Variants in TTC13 observed in about 807,000 individuals in gnomAD.
TTC13 encodes the protein tetratricopeptide repeat protein 13.
Under a neutral mutation model 120.0 loss-of-function variants are expected in TTC13, and 62 were observed. The ratio of observed to expected loss-of-function variants is 0.52; its 90% CI spans 0.42 to 0.64. The LOEUF is 0.64. Ranked by LOEUF, TTC13 falls within the 30% of genes least tolerant of loss-of-function variation. The pLI is 0.00. For synonymous variants in TTC13, 384 were observed against 393.5 expected, an observed-to-expected ratio of 0.98 and a Z score of 0.28; for missense variants, 824 against 1,050.2, an observed-to-expected ratio of 0.78 and a Z score of 2.98.
rs113164745 is a variant in TTC13, at chr1:230,918,036, A to G, written c.1984-1734T>C. Among the ~76,000 whole-genome samples the G allele has an allele frequency of 3.7e-4, 56 of 152,346 alleles. 1 individual carries two copies. Among genetic ancestry groups the G allele is most frequent in the African/African-American group, 1.3e-3 (55 of 41,576 alleles). ...CCAAGATTACTATATGTCCCACAGTACAGGGGATTGTCACACATAATGTAT... is the reference window on the plus strand; with the variant it reads ...CCAAGATTACTATATGTCCCACAGTGCAGGGGATTGTCACACATAATGTAT... On this transcript the variant is annotated intron_variant, in intron 17 of 22. Coordinates refer to ENST00000366661, the MANE Select transcript of TTC13 (RefSeq NM_024525.5).
chr1:230,950,761 A>T (rs1675495721), intron 4 of TTC13, among the ~76,000 whole-genome samples: 1 of 152,256 alleles, frequency 6.6e-6, no homozygotes, highest in African/African-American at 2.4e-5. Context: ...TCAAAATCAG[A>T]TGAGCTCAAG....
chr1:230,941,218 A>G (rs1360642089), intron 6 of TTC13, among the ~76,000 whole-genome samples: 1 of 152,230 alleles, frequency 6.6e-6, no homozygotes, highest in Non-Finnish European at 1.5e-5. Flanking sequence ...AGACATAAGA[A>G]AATCCAAAAT....
chr1:230,934,571 T>C (rs1415089862), intron 8 of TTC13, among the ~76,000 whole-genome samples: 1 of 152,220 alleles, frequency 6.6e-6, no homozygotes, highest in Admixed American at 6.5e-5. Flanking sequence ...TCTCCATCTA[T>C]GAAAACTATT....
intron 4 of TTC13, among the ~76,000 whole-genome samples, chr1:230,945,884 CT>C (rs766252220): frequency 3.9e-5 from 6 of 152,160 alleles, no homozygotes; most frequent in African/African-American, 1.4e-4. Flanking sequence ...ATGAAATTAC[CT>C]GAAAAGGAAA....
In TTC13 at chr1:230,964,566, C is replaced by T. The variant is rs182870787; in HGVS notation, c.272-3263G>A. ...TTTAAGTCATCTAAACCTATCCTTG[C>T]AAAAGATATTGAAAAAAATTCCTAA... On this transcript the variant is annotated intron_variant, in intron 1 of 22. Coordinates refer to ENST00000366661, the MANE Select transcript of TTC13 (RefSeq NM_024525.5). Among the ~76,000 whole-genome samples the T allele has an allele frequency of 2.3e-3, 348 of 152,242 alleles. 10 individuals are homozygous for T. The highest frequency in any genetic ancestry group is 0.021 in the Admixed American group (318 of 15,296).
At position 230,939,378 on chromosome 1, in the gene TTC13, A is replaced by G; in HGVS notation, c.900+8T>C. The G allele has an allele frequency of 6.3e-7, 1 of 1,578,172 alleles. No individual in the cohort carries two copies. The highest frequency in any genetic ancestry group is 8.7e-7 in the Non-Finnish European group (1 of 1,149,244). The stretch of plus-strand genomic sequence containing the variant: ...ATCATATGGTACACATATGCACAAC[A>G]CTTTCACCTTCAGAAGTCCTCTGTG... On this transcript the variant is annotated splice_region_variant and intron_variant, in intron 8 of 22. Coordinates refer to ENST00000366661, the MANE Select transcript of TTC13 (RefSeq NM_024525.5).
intron 12 of TTC13, among the ~76,000 whole-genome samples, chr1:230,928,047 T>C (rs1673189587): frequency 6.6e-6 from 1 of 152,156 alleles, no homozygotes; most frequent in African/African-American, 2.4e-5. Context: ...TTATATTAAG[T>C]TTTGCTACCT....
rs566860439 is a variant in TTC13 at position 230,906,555 on chromosome 1, C to T, written c.*350G>A. 6.4e-6 allele frequency: 1 copy of T among 156,276 alleles called. No homozygotes were observed. Among genetic ancestry groups the T allele is most frequent in the African/African-American group, 2.4e-5 (1 of 41,698 alleles). 9.7% of individuals were successfully genotyped at this position (156,276 alleles called of 1,614,324 possible). A position where few individuals can be genotyped will look rare whatever the true frequency, so the allele number is the denominator to read the frequency against. On this transcript the variant is annotated 3_prime_UTR_variant, in exon 23 of 23. Coordinates refer to ENST00000366661, the MANE Select transcript of TTC13 (RefSeq NM_024525.5). ...AGATCTCTAAAGGAATACAAACACT[C>T]CTATTTGGTTTTGTTTTTGTTCATC...
intron 17 of TTC13, 121 bp from the exon 18 acceptor site, chr1:230,916,423 T>G: frequency 1.3e-6 from 1 of 769,148 alleles, no homozygotes; most frequent in Non-Finnish European, 2.3e-6. Flanking sequence ...GGTCATCTGA[T>G]ACAAGAGATG....
chr1:230,962,267 C>T (rs565290767), intron 1 of TTC13, among the ~76,000 whole-genome samples: 1 of 151,796 alleles, frequency 6.6e-6, no homozygotes, highest in African/African-American at 2.4e-5. Context: ...ATAAATAGCT[C>T]TTACAACCCA....
rs761060999 is a variant in TTC13 at position 230,920,503 on chromosome 1, A to C, written c.1983+7T>G. 1 of 1,608,026 alleles carries C rather than the reference A, an allele frequency of 6.2e-7. No individual in the cohort carries two copies. Among genetic ancestry groups the C allele is most frequent in the Non-Finnish European group, 8.5e-7 (1 of 1,175,618 alleles). The stretch of plus-strand genomic sequence containing the variant: ...AACATGGACTGCCATTCTGATGCTA[A>C]AGTTACCTTCATAATCGGAAGAAGG... On this transcript the variant is annotated splice_region_variant and intron_variant, in intron 17 of 22. Coordinates refer to ENST00000366661, the MANE Select transcript of TTC13 (RefSeq NM_024525.5).
chr1:230,923,603 G>A (rs1672788756), intron 15 of TTC13, among the ~76,000 whole-genome samples: 1 of 151,354 alleles, frequency 6.6e-6, no homozygotes, highest in Admixed American at 6.6e-5. Flanking sequence ...CCCTTCGGTT[G>A]TGCTCTACAC....
At chr1:230,917,350 C>T (rs976768332) in intron 17 of TTC13, among the ~76,000 whole-genome samples, 11 of 152,252 alleles carry the variant, frequency 7.2e-5, no homozygotes, top group African/African-American at 2.6e-4. Flanking sequence ...GCAGGGAAGC[C>T]GCAGAGTGGG....
chr1:230,941,942 GA>G (rs1367849406), intron 6 of TTC13, among the ~76,000 whole-genome samples: 1 of 152,076 alleles, frequency 6.6e-6, no homozygotes, highest in Non-Finnish European at 1.5e-5. Context: ...CAGAAAGCAT[GA>G]AAGTGAAAGA....
At chr1:230,917,372 A>G (rs1478867694) in intron 17 of TTC13, among the ~76,000 whole-genome samples, 1 of 152,166 alleles carries the variant, frequency 6.6e-6, no homozygotes, top group Non-Finnish European at 1.5e-5. Context: ...ATGTGGGCCC[A>G]AGGTCTTGGT....
Position 230,916,281 on chromosome 1 carries a change from C to T in TTC13, c.2005G>A (p.Asp669Asn), listed in dbSNP as rs756644012. 1 of 1,614,084 alleles carries T rather than the reference C, an allele frequency of 6.2e-7. No homozygotes were observed. The highest frequency in any genetic ancestry group is 8.5e-7 in the Non-Finnish European group (1 of 1,179,922). Residue 669 changes from aspartate to asparagine, a missense_variant, in exon 18 of 23, where the codon GAT (aspartate) becomes AAT (asparagine). Transcript: ENST00000366661. ...ACTTTTGTGTTCACGGTGAACCCAT[C>T]CTTCGTTTTAGTATTAAACTGCTTT... ...IMKQFNTKTKDGFTVNTKVPS... is the reference protein window; with the variant it reads ...IMKQFNTKTKNGFTVNTKVPS...
At chr1:230,923,477 T>C (rs557393042) in intron 15 of TTC13, among the ~76,000 whole-genome samples, 1 of 152,208 alleles carries the variant, frequency 6.6e-6, no homozygotes, top group South Asian at 2.1e-4. Flanking sequence ...AATAATTTAT[T>C]TGAGCCATGT....
intron 13 of TTC13, 134 bp downstream of exon 13, chr1:230,925,383 A>T: frequency 9.4e-7 from 1 of 1,061,694 alleles, no homozygotes; most frequent in Non-Finnish European, 1.3e-6. Context: ...ATGATTCTAC[A>T]CATTTCTATT....
intron 16 of TTC13, among the ~76,000 whole-genome samples, chr1:230,920,960 T>G (rs1008504225): frequency 6.6e-6 from 1 of 152,168 alleles, no homozygotes; most frequent in African/African-American, 2.4e-5. Context: ...TTTTGTGTTG[T>G]TTTTTTCCTT....
Sources: gnomAD v4.1 joint callset for allele counts (sites outside exome capture counted in the v4.1 genomes callset) on GRCh38, gnomAD v4.1.1 for gene constraint, MANE v1.5 for transcripts, NCBI Gene and HGNC (gene_info 2026-07-23, HGNC 2026-07-21) for gene names.